Variants in JAZF1 observed in about 807,000 individuals in gnomAD.
JAZF1 encodes the protein JAZF zinc finger 1.
In JAZF1, 8 loss-of-function variants were observed where a neutral mutation model predicts 26.4. That is an observed-to-expected ratio of 0.30 (90% CI 0.18 to 0.55). JAZF1 has a LOEUF of 0.55. Ranked by LOEUF, JAZF1 falls within the 20% of genes least tolerant of loss-of-function variation. The probability of loss-of-function intolerance (pLI) is 0.94; values close to 1 mark genes in which losing one functional copy is unlikely to be tolerated. For synonymous variants in JAZF1, 126 were observed against 122.3 expected, an observed-to-expected ratio of 1.03 and a Z score of -0.20; for missense variants, 199 against 322.0, an observed-to-expected ratio of 0.62 and a Z score of 2.92.
intron 1 of JAZF1, among the ~76,000 whole-genome samples, chr7:28,111,351 C>T (rs1416487007): frequency 3.3e-5 from 5 of 152,126 alleles, no homozygotes; most frequent in East Asian, 1.9e-4. Flanking sequence ...AGACATTTCT[C>T]TTTAGGGTTC....
At chr7:28,089,262 G>A (rs568919465) in intron 1 of JAZF1, among the ~76,000 whole-genome samples, 29 of 152,254 alleles carry the variant, frequency 1.9e-4, no homozygotes, top group African/African-American at 6.3e-4. Flanking sequence ...TTATAAGAGG[G>A]GACTTGAGAG....
intron 3 of JAZF1, among the ~76,000 whole-genome samples, chr7:27,882,510 A>G (rs1783791662): frequency 6.6e-6 from 1 of 152,220 alleles, no homozygotes; most frequent in Admixed American, 6.5e-5. Context: ...ATGGTCCCAG[A>G]AAGGTTCTAG....
At chr7:27,847,671 T>C (rs1415323369) in intron 3 of JAZF1, among the ~76,000 whole-genome samples, 1 of 152,144 alleles carries the variant, frequency 6.6e-6, no homozygotes, top group Non-Finnish European at 1.5e-5. Flanking sequence ...ATCTTTGCTT[T>C]ATAATTTTTA....
chr7:27,929,161 C>T (rs1005625700), intron 2 of JAZF1, among the ~76,000 whole-genome samples: 1 of 152,208 alleles, frequency 6.6e-6, no homozygotes, highest in African/African-American at 2.4e-5. Flanking sequence ...TTCTAGGAGC[C>T]AGCTCCTTTA....
chr7:28,155,716 G>A (rs1163013848), intron 1 of JAZF1, among the ~76,000 whole-genome samples: 3 of 152,312 alleles, frequency 2.0e-5, no homozygotes, highest in East Asian at 3.9e-4. Flanking sequence ...AATGACCCAT[G>A]CAGAAGAGAC....
intron 1 of JAZF1, among the ~76,000 whole-genome samples, chr7:28,095,608 C>T (rs974976119): frequency 4.6e-5 from 7 of 152,174 alleles, no homozygotes; most frequent in African/African-American, 1.7e-4. Flanking sequence ...CTAACCATAT[C>T]AAGTCCCTAC....
chr7:28,067,954 C>T (rs1304742564), intron 1 of JAZF1, among the ~76,000 whole-genome samples: 1 of 152,158 alleles, frequency 6.6e-6, no homozygotes, highest in Non-Finnish European at 1.5e-5. Flanking sequence ...GCTCTTGTTG[C>T]CCAAGCTGGA....
At chr7:27,990,124 G>A (rs1230813427) in intron 2 of JAZF1, among the ~76,000 whole-genome samples, 1 of 152,222 alleles carries the variant, frequency 6.6e-6, no homozygotes, top group Non-Finnish European at 1.5e-5. Context: ...ATGAGTTCAT[G>A]TCCTTTGTAG....
chr7:28,048,400 T>C (rs889174926), intron 1 of JAZF1, among the ~76,000 whole-genome samples: 1 of 152,194 alleles, frequency 6.6e-6, no homozygotes, highest in Non-Finnish European at 1.5e-5. Flanking sequence ...GTTGACTTTT[T>C]GCTTTATTAT....
chr7:27,987,527 G>A (rs1785753372), intron 2 of JAZF1, among the ~76,000 whole-genome samples: 1 of 152,068 alleles, frequency 6.6e-6, no homozygotes, highest in African/African-American at 2.4e-5. Flanking sequence ...GAGGTCGGGG[G>A]CAGCCCCTGC....
intron 2 of JAZF1, among the ~76,000 whole-genome samples, chr7:27,950,672 C>T (rs2128354632): frequency 6.6e-6 from 1 of 152,264 alleles, no homozygotes; most frequent in South Asian, 2.1e-4. Flanking sequence ...ACTTGGTTAA[C>T]AAAACTTCAA....
At chr7:27,998,824 G>C (rs1477421937) in intron 1 of JAZF1, among the ~76,000 whole-genome samples, 1 of 152,178 alleles carries the variant, frequency 6.6e-6, no homozygotes, top group Admixed American at 6.5e-5. Context: ...ATGTTCCATA[G>C]CCTAGATCAG....
At chr7:27,988,030 A>T (rs1375646158) in intron 2 of JAZF1, among the ~76,000 whole-genome samples, 1 of 152,118 alleles carries the variant, frequency 6.6e-6, no homozygotes, top group Non-Finnish European at 1.5e-5. Context: ...AATCTCAAGT[A>T]CCCAGGGACA....
At chr7:27,929,781 G>T (rs1784656225) in intron 2 of JAZF1, among the ~76,000 whole-genome samples, 1 of 152,114 alleles carries the variant, frequency 6.6e-6, no homozygotes, top group Non-Finnish European at 1.5e-5. Flanking sequence ...TTATTCCTAA[G>T]ACAGTATAAT....
chr7:27,938,593 A>G (rs1012740957), intron 2 of JAZF1, among the ~76,000 whole-genome samples: 10 of 152,222 alleles, frequency 6.6e-5, no homozygotes, highest in African/African-American at 2.4e-4. Context: ...TTGAATGAAT[A>G]CAATGCAAAG....
chr7:27,831,220 A>G lies in JAZF1; in HGVS notation c.*1580T>C, dbSNP rs1034204547. The G allele has an allele frequency of 8.9e-6, 2 of 224,062 alleles. No individual in the cohort carries two copies. Among genetic ancestry groups the G allele is most frequent in the Admixed American group, 5.7e-5 (1 of 17,474 alleles). 13.9% of individuals were successfully genotyped at this position (224,062 alleles called of 1,614,324 possible). A position where few individuals can be genotyped will look rare whatever the true frequency, so the allele number is the denominator to read the frequency against. On this transcript the variant is annotated 3_prime_UTR_variant, in exon 5 of 5. Transcript: ENST00000283928. ...ATGAAGGATTTTAGAACTTATGAAT[A>G]TAGAGGTTTACTCATCTAACAAACA... is the stretch of plus-strand genomic sequence containing the variant.
At chr7:27,981,785 T>C (rs1390676839) in intron 2 of JAZF1, among the ~76,000 whole-genome samples, 1 of 152,178 alleles carries the variant, frequency 6.6e-6, no homozygotes, top group African/African-American at 2.4e-5. Flanking sequence ...AGATGACTTA[T>C]CCAAGAAATT....
chr7:28,116,524 A>C (rs1227698995), intron 1 of JAZF1, among the ~76,000 whole-genome samples: 1 of 151,898 alleles, frequency 6.6e-6, no homozygotes, highest in Non-Finnish European at 1.5e-5. Flanking sequence ...GGCTCACTGC[A>C]ACCTCCACCT....
chr7:27,916,139 A>G (rs1187235146), intron 2 of JAZF1, among the ~76,000 whole-genome samples: 1 of 152,138 alleles, frequency 6.6e-6, no homozygotes, highest in Non-Finnish European at 1.5e-5. Flanking sequence ...TGGCTTGATC[A>G]TTCTTAGACT....
Sources: allele counts gnomAD v4.1 joint callset (sites outside exome capture counted in the v4.1 genomes callset), GRCh38; gene constraint gnomAD v4.1.1; transcripts MANE v1.5; gene names NCBI Gene and HGNC (gene_info 2026-07-23, HGNC 2026-07-21).